SSBP2: variants seen among roughly 807,000 people sequenced by gnomAD.
The protein encoded by SSBP2 is single-stranded DNA-binding protein 2.
Under a neutral mutation model 61.8 loss-of-function variants are expected in SSBP2, and 17 were observed. That is an observed-to-expected ratio of 0.28 (90% CI 0.19 to 0.41). The LOEUF is 0.41. Among genes scored for constraint, SSBP2 ranks in the 10% least tolerant of loss-of-function variants. The probability of loss-of-function intolerance (pLI) is 1.00; values close to 1 mark genes in which losing one functional copy is unlikely to be tolerated. For missense variants in SSBP2, 310 were observed against 458.7 expected (o/e 0.68, Z 2.96); for synonymous variants, 139 against 141.3 (o/e 0.98, Z 0.12).
At chr5:81,567,886 A>G (rs1246074260) in intron 4 of SSBP2, among the ~76,000 whole-genome samples, 1 of 152,152 alleles carries the variant, frequency 6.6e-6, no homozygotes, top group East Asian at 1.9e-4. Flanking sequence ...TGTTTTGGCC[A>G]ATTTCTCACA....
chr5:81,554,106 A>G (rs1772412268), intron 4 of SSBP2, among the ~76,000 whole-genome samples: 1 of 152,188 alleles, frequency 6.6e-6, no homozygotes, highest in Non-Finnish European at 1.5e-5. Context: ...ATTCCGGTCT[A>G]CATTATGATT....
intron 4 of SSBP2, among the ~76,000 whole-genome samples, chr5:81,538,723 C>T (rs1270456236): frequency 3.3e-5 from 5 of 152,202 alleles, no homozygotes; most frequent in African/African-American, 1.2e-4. Context: ...TTCAGAATTA[C>T]ACTAAATCTA....
intron 1 of SSBP2, among the ~76,000 whole-genome samples, chr5:81,717,499 C>T (rs1755241719): frequency 6.6e-6 from 1 of 152,126 alleles, no homozygotes; most frequent in Non-Finnish European, 1.5e-5. Context: ...TAAAAGTTTA[C>T]TTATAGAGTG....
At chr5:81,724,580 A>ATTC (rs2153977656) in intron 1 of SSBP2, among the ~76,000 whole-genome samples, 1 of 152,186 alleles carries the variant, frequency 6.6e-6, no homozygotes, top group Admixed American at 6.6e-5. Flanking sequence ...AACTGCTTGT[A>ATTC]TTCTACAGGA....
At chr5:81,568,009 T>C (rs1044531137) in intron 4 of SSBP2, among the ~76,000 whole-genome samples, 4 of 152,200 alleles carry the variant, frequency 2.6e-5, no homozygotes, top group African/African-American at 9.6e-5. Context: ...AGGAAGGAAC[T>C]TGCCTTGTCT....
In SSBP2 at chr5:81,599,397, C is replaced by G. The variant is rs923964213; in HGVS notation, c.282+16076G>C. 3.9e-4 allele frequency among the ~76,000 whole-genome samples: 60 copies of G among 152,262 alleles called. 1 individual carries two copies. Among genetic ancestry groups the G allele is most frequent in the African/African-American group, 1.3e-3 (54 of 41,558 alleles). On this transcript the variant is annotated intron_variant, in intron 4 of 16. Coordinates refer to ENST00000320672, the MANE Select transcript of SSBP2 (RefSeq NM_012446.5). ...AAGCAATATTTTTAGCCCAAGGGAG[C>G]CTTTTCACAGAGATTTAAACAAATA...
intron 4 of SSBP2, among the ~76,000 whole-genome samples, chr5:81,569,697 A>G (rs1417745944): frequency 6.6e-6 from 1 of 152,166 alleles, no homozygotes; most frequent in African/African-American, 2.4e-5. Context: ...CAACTAATAC[A>G]GTAATAATTT....
intron 5 of SSBP2, among the ~76,000 whole-genome samples, chr5:81,491,728 T>C (rs1766868171): frequency 6.6e-6 from 1 of 151,944 alleles, no homozygotes; most frequent in South Asian, 2.1e-4. Flanking sequence ...AAAAAAGAAA[T>C]AGAAAACCAC....
Position 81,594,433 on chromosome 5 carries a change from C to T in SSBP2, c.282+21040G>A, listed in dbSNP as rs372968524. 6.0e-4 allele frequency among the ~76,000 whole-genome samples: 91 copies of T among 152,208 alleles called. No individual in the cohort carries two copies. In the Middle Eastern group the frequency reaches 0.01, roughly 17 times the overall value. Reference sequence around the variant, plus strand: ...CCACTGTCAACATTAGACAGATCAACGAGACAGAAAGTTAACAAGGATACC... The same window carrying T: ...CCACTGTCAACATTAGACAGATCAATGAGACAGAAAGTTAACAAGGATACC... On this transcript the variant is annotated intron_variant, in intron 4 of 16. Coordinates refer to ENST00000320672, the MANE Select transcript of SSBP2 (RefSeq NM_012446.5).
chr5:81,592,537 T>C (rs1346656710), intron 4 of SSBP2, among the ~76,000 whole-genome samples: 1 of 152,232 alleles, frequency 6.6e-6, no homozygotes, highest in East Asian at 1.9e-4. Flanking sequence ...ATGGGCAGAC[T>C]GCCTCCTCAA....
intron 3 of SSBP2, among the ~76,000 whole-genome samples, chr5:81,619,576 AAG>A (rs1746355555): frequency 6.7e-6 from 1 of 148,224 alleles, no homozygotes; most frequent in South Asian, 2.2e-4. Context: ...TCAATAGAAA[AAG>A]AGGGAATCCT....
At chr5:81,499,481 T>C (rs1353925871) in intron 5 of SSBP2, among the ~76,000 whole-genome samples, 1 of 152,210 alleles carries the variant, frequency 6.6e-6, no homozygotes, top group Non-Finnish European at 1.5e-5. Context: ...GACTAAGCTG[T>C]CTGCTGGTCT....
chr5:81,542,047 C>T (rs187271534), intron 4 of SSBP2, among the ~76,000 whole-genome samples: 9 of 151,910 alleles, frequency 5.9e-5, no homozygotes, highest in South Asian at 2.1e-4. Flanking sequence ...ATCCAGAATC[C>T]GTAAGGACCT....
chr5:81,462,514 T>C (rs1331316191), intron 9 of SSBP2, among the ~76,000 whole-genome samples: 4 of 152,192 alleles, frequency 2.6e-5, no homozygotes, highest in Admixed American at 1.3e-4. Context: ...GGGGACTTGA[T>C]AAAATTTTGT....
At chr5:81,680,422 C>A (rs402390) in intron 1 of SSBP2, among the ~76,000 whole-genome samples, 4 of 149,986 alleles carry the variant, frequency 2.7e-5, no homozygotes, top group Non-Finnish European at 3.0e-5. Flanking sequence ...AAACTAATGC[C>A]ATCACATTAA....
chr5:81,496,991 C>T (rs1316010735), intron 5 of SSBP2, among the ~76,000 whole-genome samples: 1 of 152,112 alleles, frequency 6.6e-6, no homozygotes, highest in Non-Finnish European at 1.5e-5. Flanking sequence ...CTTTAGTTAC[C>T]ACTCAAACAT....
intron 15 of SSBP2, among the ~76,000 whole-genome samples, chr5:81,430,216 A>T (rs1439147439): frequency 6.6e-6 from 1 of 152,202 alleles, no homozygotes; most frequent in Non-Finnish European, 1.5e-5. Flanking sequence ...ATGAATTTAT[A>T]AAAAATATTG....
chr5:81,583,519 A>G (rs577673751), intron 4 of SSBP2, among the ~76,000 whole-genome samples: 159 of 151,956 alleles, frequency 1.0e-3, no homozygotes, highest in African/African-American at 3.8e-3. Context: ...AGTCCCAGCT[A>G]CTGGAGAGGC....
At chr5:81,504,887 G>C (rs1768060462) in intron 5 of SSBP2, among the ~76,000 whole-genome samples, 1 of 152,084 alleles carries the variant, frequency 6.6e-6, no homozygotes, top group Admixed American at 6.6e-5. Context: ...TAGTTTGTAA[G>C]ACTTATCTGT....
Sources: allele counts gnomAD v4.1 joint callset (sites outside exome capture counted in the v4.1 genomes callset), GRCh38; gene constraint gnomAD v4.1.1; transcripts MANE v1.5; gene names NCBI Gene and HGNC (gene_info 2026-07-23, HGNC 2026-07-21).